Variants in FSTL5 observed in about 807,000 individuals in gnomAD.
FSTL5 encodes the protein follistatin-related protein 5.
A neutral mutation model predicts 89.1 loss-of-function variants in FSTL5; 62 were observed. The observed-to-expected ratio is 0.70, with a 90% CI of 0.57 to 0.86. The LOEUF (loss-of-function observed/expected upper bound fraction) is 0.86. Ranked by LOEUF, FSTL5 falls within the 40% of genes least tolerant of loss-of-function variation. The probability of loss-of-function intolerance (pLI) is 0.00; values close to 1 mark genes in which losing one functional copy is unlikely to be tolerated. For missense variants in FSTL5, 1,057 were observed against 1,001.6 expected, an observed-to-expected ratio of 1.06 and a Z score of -0.75; for synonymous variants, 383 against 346.2, an observed-to-expected ratio of 1.11 and a Z score of -1.18.
chr4:162,117,032 A>G (rs1290878026), intron 1 of FSTL5, among the ~76,000 whole-genome samples: 2 of 152,208 alleles, frequency 1.3e-5, no homozygotes, highest in Admixed American at 6.5e-5. Context: ...AGTAGTTTAG[A>G]TGTACTAAAC....
At chr4:161,761,922 G>A (rs892026394) in intron 5 of FSTL5, among the ~76,000 whole-genome samples, 4 of 152,024 alleles carry the variant, frequency 2.6e-5, no homozygotes, top group African/African-American at 9.7e-5. Context: ...ATGATTCTTA[G>A]TAATTATTTC....
chr4:161,671,023 C>CA (rs1057186842), intron 6 of FSTL5, among the ~76,000 whole-genome samples: 1 of 152,072 alleles, frequency 6.6e-6, no homozygotes, highest in Admixed American at 6.6e-5. Context: ...CAGAAAATTA[C>CA]AAAAAAGAGA....
chr4:162,096,417 T>C (rs1229163298), intron 2 of FSTL5, among the ~76,000 whole-genome samples: 1 of 151,484 alleles, frequency 6.6e-6, no homozygotes, highest in African/African-American at 2.4e-5. Flanking sequence ...TTATATATTG[T>C]AATAGATATA....
intron 4 of FSTL5, among the ~76,000 whole-genome samples, chr4:161,858,106 G>A (rs77611875): frequency 0.052 from 7,858 of 152,180 alleles, 239 homozygotes; most frequent in Non-Finnish European, 0.07. Context: ...GAACCCTCAC[G>A]GACAGGATGA....
At chr4:161,480,910 A>G (rs1729480133) in intron 13 of FSTL5, 110 bp downstream of exon 13, 2 of 703,666 alleles carry the variant, frequency 2.8e-6, no homozygotes, top group Non-Finnish European at 4.6e-6. Context: ...CTAGTTATCC[A>G]AGTAAGGAAA....
At chr4:161,636,460 C>T (rs201818988) in intron 7 of FSTL5, among the ~76,000 whole-genome samples, 3,789 of 119,488 alleles carry the variant, frequency 0.032, 74 homozygotes, top group African/African-American at 0.079. Context: ...TTTTTTTTTT[C>T]TTTTTTTTTT....
At chr4:161,821,964 TG>T (rs1730508433) in intron 4 of FSTL5, among the ~76,000 whole-genome samples, 2 of 152,200 alleles carry the variant, frequency 1.3e-5, no homozygotes, top group Non-Finnish European at 2.9e-5. Context: ...GAAGGATTGC[TG>T]GATCAAATGG....
intron 7 of FSTL5, among the ~76,000 whole-genome samples, chr4:161,645,115 T>C (rs1357584160): frequency 4.3e-4 from 65 of 152,088 alleles, no homozygotes; most frequent in Admixed American, 4.3e-3. Flanking sequence ...AACTTAACTT[T>C]GGAATTTCTC....
Position 161,709,197 on chromosome 4 carries a change from A to T in FSTL5, c.727+50214T>A, listed in dbSNP as rs569756128. Among the ~76,000 whole-genome samples, 4 of 152,262 alleles carry T rather than the reference A, an allele frequency of 2.6e-5. No homozygotes were observed. In the South Asian group the frequency reaches 8.3e-4, roughly 32 times the overall value. ...GCAACCTTTATTTTGTAAATAAAAA[A>T]TTATTTTCCTTTTGTTATTTTACGT... On this transcript the variant is annotated intron_variant, in intron 6 of 15. Coordinates refer to ENST00000306100, the MANE Select transcript of FSTL5 (RefSeq NM_020116.5).
At chr4:162,138,383 G>A (rs966634040) in intron 1 of FSTL5, among the ~76,000 whole-genome samples, 1 of 152,016 alleles carries the variant, frequency 6.6e-6, no homozygotes. Context: ...TCTGATACTA[G>A]AGCACATCTC....
At chr4:161,630,363 T>G (rs1022967448) in intron 7 of FSTL5, among the ~76,000 whole-genome samples, 2 of 152,214 alleles carry the variant, frequency 1.3e-5, no homozygotes, top group Admixed American at 6.5e-5. Context: ...GTTTGTGTTT[T>G]CTATCAGCTA....
intron 8 of FSTL5, among the ~76,000 whole-genome samples, chr4:161,563,926 C>T (rs1732702831): frequency 6.6e-6 from 1 of 151,804 alleles, no homozygotes; most frequent in South Asian, 2.1e-4. Context: ...AAAAACAACA[C>T]AAAAATTGTC....
chr4:161,579,963 C>A (rs1289751890), intron 8 of FSTL5, among the ~76,000 whole-genome samples: 3 of 151,982 alleles, frequency 2.0e-5, no homozygotes, highest in Non-Finnish European at 2.9e-5. Context: ...TTTCTTTAGA[C>A]TTTAAATTAT....
intron 1 of FSTL5, among the ~76,000 whole-genome samples, chr4:162,117,992 G>C (rs1281416877): frequency 6.6e-6 from 1 of 152,098 alleles, no homozygotes; most frequent in Non-Finnish European, 1.5e-5. Flanking sequence ...ATCGCAAAAA[G>C]CCCTTTCTTT....
intron 7 of FSTL5, among the ~76,000 whole-genome samples, chr4:161,647,724 G>A (rs1402008771): frequency 6.6e-6 from 1 of 152,144 alleles, no homozygotes; most frequent in Non-Finnish European, 1.5e-5. Context: ...CGGAAAGGGG[G>A]AAGGGAAGCG....
At chr4:161,483,350 G>A (rs370295846) in intron 12 of FSTL5, among the ~76,000 whole-genome samples, 4 of 152,226 alleles carry the variant, frequency 2.6e-5, no homozygotes, top group African/African-American at 7.2e-5. Context: ...TCGCCATTGC[G>A]TAAAACCTGC....
chr4:161,832,860 T>C (rs941094158), intron 4 of FSTL5, among the ~76,000 whole-genome samples: 2 of 150,150 alleles, frequency 1.3e-5, no homozygotes, highest in Admixed American at 1.3e-4. Context: ...TTTTGAAGGG[T>C]TTTTTGTGTC....
chr4:162,077,147 G>T (rs1729882377), intron 2 of FSTL5, among the ~76,000 whole-genome samples: 1 of 151,784 alleles, frequency 6.6e-6, no homozygotes, highest in Non-Finnish European at 1.5e-5. Context: ...ATATCAAGGG[G>T]CTGGCAGCTT....
intron 4 of FSTL5, among the ~76,000 whole-genome samples, chr4:161,809,414 A>G (rs1358611096): frequency 2.0e-5 from 3 of 152,222 alleles, no homozygotes; most frequent in African/African-American, 7.2e-5. Flanking sequence ...TGCTATGGAA[A>G]AGACTATGGT....
Sources: allele counts gnomAD v4.1 joint callset (sites outside exome capture counted in the v4.1 genomes callset), GRCh38; gene constraint gnomAD v4.1.1; transcripts MANE v1.5; gene names NCBI Gene and HGNC (gene_info 2026-07-23, HGNC 2026-07-21).